PIGK: variants seen among roughly 807,000 people sequenced by gnomAD.
PIGK encodes the protein phosphatidylinositol glycan anchor biosynthesis class K.
PIGK carries 42 observed loss-of-function variants against 50.6 expected under a neutral mutation model. The ratio of observed to expected loss-of-function variants is 0.83; its 90% CI spans 0.65 to 1.07. The LOEUF is 1.07. Ranked by LOEUF, PIGK falls within the 50% of genes least tolerant of loss-of-function variation. The probability of loss-of-function intolerance (pLI) is 0.00; values close to 1 mark genes in which losing one functional copy is unlikely to be tolerated. For missense variants in PIGK, 448 were observed against 488.7 expected, an observed-to-expected ratio of 0.92 and a Z score of 0.78; for synonymous variants, 151 against 156.0, an observed-to-expected ratio of 0.97 and a Z score of 0.24.
intron 4 of PIGK, among the ~76,000 whole-genome samples, chr1:77,168,664 G>A (rs1385259160): frequency 1.7e-5 from 2 of 119,160 alleles, no homozygotes; most frequent in African/African-American, 9.4e-5. Context: ...GAACACACAG[G>A]AAATTGTGTC....
intron 4 of PIGK, among the ~76,000 whole-genome samples, chr1:77,167,715 T>C (rs915012537): frequency 2.0e-5 from 3 of 152,180 alleles, no homozygotes; most frequent in Admixed American, 6.5e-5. Context: ...ACTATACTCC[T>C]ACCTGGGTGA....
chr1:77,152,478 A>G (rs1654915057), intron 9 of PIGK, among the ~76,000 whole-genome samples: 1 of 152,130 alleles, frequency 6.6e-6, no homozygotes, highest in African/African-American at 2.4e-5. Context: ...AATCATAGGC[A>G]ACAAAAGCAA....
chr1:77,196,366 A>G (rs1656036759), intron 3 of PIGK, among the ~76,000 whole-genome samples: 1 of 152,198 alleles, frequency 6.6e-6, no homozygotes, highest in African/African-American at 2.4e-5. Flanking sequence ...TGGTGGGTCA[A>G]ATGGTAGTTT....
At chr1:77,104,330 T>C (rs1345270348) in intron 10 of PIGK, among the ~76,000 whole-genome samples, 1 of 151,948 alleles carries the variant, frequency 6.6e-6, no homozygotes, top group Admixed American at 6.6e-5. Context: ...TTAAATCAAA[T>C]GTAAAGAAAA....
intron 1 of PIGK, among the ~76,000 whole-genome samples, chr1:77,217,425 T>C (rs1204237766): frequency 6.6e-6 from 1 of 151,928 alleles, no homozygotes; most frequent in African/African-American, 2.4e-5. Flanking sequence ...GAAAGAAAGT[T>C]AGCCTAACTA....
intron 10 of PIGK, among the ~76,000 whole-genome samples, chr1:77,109,735 A>G (rs1393459570): frequency 1.3e-5 from 2 of 152,184 alleles, no homozygotes; most frequent in Admixed American, 1.3e-4. Flanking sequence ...ACTCCTATTC[A>G]ACATAGTGTT....
At chr1:77,155,600 T>A (rs1418939386) in intron 8 of PIGK, among the ~76,000 whole-genome samples, 1 of 52,060 alleles carries the variant, frequency 1.9e-5, no homozygotes, top group Non-Finnish European at 3.6e-5. Context: ...ATTCAAGCCA[T>A]TTTTTTTTTT....
At chr1:77,195,558 T>G (rs1656014902) in intron 3 of PIGK, among the ~76,000 whole-genome samples, 1 of 152,190 alleles carries the variant, frequency 6.6e-6, no homozygotes, top group Non-Finnish European at 1.5e-5. Flanking sequence ...CAAAAGTAGT[T>G]CTAGATATAT....
At chr1:77,197,592 C>T (rs1656065181) in intron 3 of PIGK, among the ~76,000 whole-genome samples, 1 of 152,180 alleles carries the variant, frequency 6.6e-6, no homozygotes, top group South Asian at 2.1e-4. Flanking sequence ...CACATATATG[C>T]TTTGTATTAC....
intron 10 of PIGK, among the ~76,000 whole-genome samples, chr1:77,115,958 A>G (rs1653951657): frequency 6.6e-6 from 1 of 152,176 alleles, no homozygotes; most frequent in African/African-American, 2.4e-5. Flanking sequence ...GGAACCAGAG[A>G]AAGCCTAGAA....
At chr1:77,215,921 A>G (rs1376167663) in intron 1 of PIGK, among the ~76,000 whole-genome samples, 6 of 152,266 alleles carry the variant, frequency 3.9e-5, no homozygotes, top group African/African-American at 1.4e-4. Flanking sequence ...AGTAGAATAG[A>G]GGCTGGGAAG....
At position 77,161,672 on chromosome 1, in the gene PIGK, T is replaced by C. The variant is rs1245002295; in HGVS notation, c.624A>G (p.Gly208=). The change falls in exon 7 of 11, where the codon GGA becomes GGG. Residue 208 remains glycine, a synonymous_variant. Coordinates refer to ENST00000370812, the MANE Select transcript of PIGK (RefSeq NM_005482.3). ...AATAAAATCGTTCATACATGGATGC[T>C]CCTTGGCAAGTATCAATAATAAACA... is the stretch of plus-strand genomic sequence containing the variant. The part of the protein sequence containing the change: ...ELLFIIDTCQ[G]ASMYERFYSP... The C allele has an allele frequency of 1.3e-6, 2 of 1,580,372 alleles. No homozygotes were observed. The highest frequency in any genetic ancestry group is 8.7e-7 in the Non-Finnish European group (1 of 1,149,406).
chr1:77,106,528 C>G (rs564612974), intron 10 of PIGK, among the ~76,000 whole-genome samples: 2 of 152,136 alleles, frequency 1.3e-5, no homozygotes, highest in South Asian at 4.2e-4. Flanking sequence ...GGTAATCATA[C>G]AAATGTTTAA....
chr1:77,169,141 A>G, intron 4 of PIGK, 119 bp downstream of exon 4: 1 of 584,644 alleles, frequency 1.7e-6, no homozygotes, highest in South Asian at 3.5e-5. Flanking sequence ...AAGTTACATC[A>G]AGGCTTCAGT....
chr1:77,204,473 T>G (rs1036596117), intron 3 of PIGK, among the ~76,000 whole-genome samples: 1 of 152,162 alleles, frequency 6.6e-6, no homozygotes, highest in African/African-American at 2.4e-5. Flanking sequence ...ATTTGCCATG[T>G]GATATTTTAT....
chr1:77,132,886 T>C (rs1654410070), intron 9 of PIGK, among the ~76,000 whole-genome samples: 3 of 152,090 alleles, frequency 2.0e-5, no homozygotes, highest in African/African-American at 7.2e-5. Context: ...GTTCTGATTG[T>C]AATAATATGT....
intron 1 of PIGK, among the ~76,000 whole-genome samples, chr1:77,217,619 G>A (rs573652035): frequency 1.5e-4 from 23 of 152,220 alleles, no homozygotes; most frequent in Middle Eastern, 6.8e-3. Context: ...GCTTCAATTT[G>A]GAGAACAGAT....
intron 4 of PIGK, among the ~76,000 whole-genome samples, chr1:77,168,554 G>A (rs561100343): frequency 4.4e-4 from 67 of 151,766 alleles, no homozygotes; most frequent in Non-Finnish European, 7.6e-4. Flanking sequence ...CCAGGCTCTA[G>A]GTACTTGCCA....
rs544916590 is a variant in PIGK, at chr1:77,210,301, T to C, written c.147+135A>G. ...TAGTTGATGTGGTCAATTTAAAATA[T>C]AGCCAAATCAAAATAAAGAATTTCT... On this transcript the variant is annotated intron_variant, in intron 2 of 10. Transcript: ENST00000370812. 151 of 516,760 alleles carry C rather than the reference T, an allele frequency of 2.9e-4. No homozygotes were observed. In the South Asian group the frequency reaches 3.2e-3, roughly 11 times the overall value. The allele number at this position is 516,760 out of a possible 1,614,324, so 32.0% of individuals were successfully genotyped here. A position where few individuals can be genotyped will look rare whatever the true frequency, so the allele number is the denominator to read the frequency against.
Sources: allele counts gnomAD v4.1 joint callset (sites outside exome capture counted in the v4.1 genomes callset), GRCh38; gene constraint gnomAD v4.1.1; transcripts MANE v1.5; gene names NCBI Gene and HGNC (gene_info 2026-07-23, HGNC 2026-07-21).